RIMKLA: variants seen among roughly 807,000 people sequenced by gnomAD.
RIMKLA encodes the protein N-acetylaspartylglutamate synthase A.
In RIMKLA, 14 loss-of-function variants were observed where a neutral mutation model predicts 32.7. The observed-to-expected ratio is 0.43, with a 90% confidence interval of 0.28 to 0.67. The LOEUF is 0.67. Ranked by LOEUF, RIMKLA falls within the 30% of genes least tolerant of loss-of-function variation. The pLI is 0.18. For synonymous variants in RIMKLA, 176 were observed against 204.1 expected (o/e 0.86, Z 1.18); for missense variants, 410 against 519.0 (o/e 0.79, Z 2.04).
intron 1 of RIMKLA, among the ~76,000 whole-genome samples, chr1:42,390,036 CTTTTTTTTTTT>C (rs35754511): frequency 1.8e-5 from 2 of 111,666 alleles, no homozygotes; most frequent in Admixed American, 1.9e-4. Context: ...TTTTCTTTTC[CTTTTTTTTTTT>C]TTTTTTTTTG....
chr1:42,391,910 C>T (rs1643003075), intron 1 of RIMKLA, among the ~76,000 whole-genome samples: 1 of 152,106 alleles, frequency 6.6e-6, no homozygotes, highest in African/African-American at 2.4e-5. Flanking sequence ...TCTTGCCAAG[C>T]TAAATGAGAG....
rs1293694208 is a variant in RIMKLA at position 42,421,816 on chromosome 1, A to C, written c.*6842A>C. 6.6e-6 allele frequency: 1 copy of C among 152,248 alleles called. No homozygotes were observed. Among genetic ancestry groups the C allele is most frequent in the Non-Finnish European group, 1.5e-5 (1 of 68,046 alleles). 9.4% of individuals were successfully genotyped at this position (152,248 alleles called of 1,614,324 possible). ...ACCTGCAATTAAATAAAGTATGTTA[A>C]AAACAGTAATAAATACTCAAAACTC... On this transcript the variant is annotated 3_prime_UTR_variant, in exon 5 of 5. Transcript: ENST00000431473. This position sits in a 1 kb window ranked among gnomAD's most constrained non-coding sequence, Gnocchi z 4.6.
intron 2 of RIMKLA, among the ~76,000 whole-genome samples, chr1:42,404,301 G>A (rs1462193207): frequency 6.6e-6 from 1 of 152,118 alleles, no homozygotes; most frequent in African/African-American, 2.4e-5. Flanking sequence ...CACACAGAAG[G>A]CACCTGCTAA....
At chr1:42,408,262 C>T (rs1055201310) in intron 3 of RIMKLA, among the ~76,000 whole-genome samples, 4 of 152,206 alleles carry the variant, frequency 2.6e-5, no homozygotes, top group African/African-American at 7.2e-5. Flanking sequence ...ACTCTCCTGT[C>T]ACCTGCCATG....
chr1:42,382,737 A>G (rs1335021360), intron 1 of RIMKLA, among the ~76,000 whole-genome samples: 2 of 152,218 alleles, frequency 1.3e-5, no homozygotes, highest in African/African-American at 2.4e-5. Flanking sequence ...TCAGTCCTAA[A>G]AAAAAGATAA....
chr1:42,409,747 G>A (rs1643181120), intron 3 of RIMKLA, among the ~76,000 whole-genome samples: 1 of 152,202 alleles, frequency 6.6e-6, no homozygotes. Flanking sequence ...TAATCATTAA[G>A]TCATTTCAAA....
At position 42,415,027 on chromosome 1, in the gene RIMKLA, T is replaced by A; in HGVS notation, c.*53T>A. On this transcript the variant is annotated 3_prime_UTR_variant, in exon 5 of 5. Coordinates refer to ENST00000431473, the MANE Select transcript of RIMKLA (RefSeq NM_173642.4). ...CAAATCCTACTGCTTCCCTAGTAGT[T>A]TTGAGTGAATAAAATCTGGACTAAT... The A allele has an allele frequency of 6.6e-7, 1 of 1,508,330 alleles. No homozygotes were observed. Among genetic ancestry groups the A allele is most frequent in the Admixed American group, 2.0e-5 (1 of 49,188 alleles). The allele number at this position is 1,508,330 out of a possible 1,614,324, so 93.4% of individuals were successfully genotyped here.
At chr1:42,383,712 TC>T (rs538318678) in intron 1 of RIMKLA, among the ~76,000 whole-genome samples, 80 of 152,368 alleles carry the variant, frequency 5.3e-4, no homozygotes, top group Middle Eastern at 3.4e-3. Context: ...CCATTCTAAT[TC>T]CTTCATTTTA....
At chr1:42,394,799 C>T (rs755767481) in intron 1 of RIMKLA, among the ~76,000 whole-genome samples, 1 of 151,758 alleles carries the variant, frequency 6.6e-6, no homozygotes, top group Non-Finnish European at 1.5e-5. Context: ...TGCAATGACG[C>T]GATCTCAGCT....
intron 1 of RIMKLA, among the ~76,000 whole-genome samples, chr1:42,386,446 C>T (rs1157646993): frequency 6.6e-6 from 1 of 152,038 alleles, no homozygotes; most frequent in African/African-American, 2.4e-5. Context: ...CTTCCCTGGC[C>T]ACTTTACCCA....
chr1:42,389,826 G>A (rs1642985362), intron 1 of RIMKLA, among the ~76,000 whole-genome samples: 2 of 151,580 alleles, frequency 1.3e-5, no homozygotes, highest in South Asian at 4.2e-4. Context: ...AAAAAAAAAT[G>A]TTCTGGTAGA....
rs142710529 is a variant in RIMKLA, at chr1:42,423,878, G to A, written c.*8904G>A. On this transcript the variant is annotated 3_prime_UTR_variant, in exon 5 of 5. Coordinates refer to ENST00000431473, the MANE Select transcript of RIMKLA (RefSeq NM_173642.4). ...CTCTTCCACTAACCTTAGGTCTACT[G>A]TACTCTTGGTGAATCACAGCTCTTT... Among the ~76,000 whole-genome samples, 2 of 152,290 alleles carry A rather than the reference G, an allele frequency of 1.3e-5. No individual in the cohort carries two copies. Among genetic ancestry groups the A allele is most frequent in the Non-Finnish European group, 2.9e-5 (2 of 68,022 alleles).
In RIMKLA at chr1:42,423,294, C is replaced by G. The variant is rs929584957; in HGVS notation, c.*8320C>G. ...ACACTGGGGAATGTGGCCTATGTTT[C>G]TTTCTTCTTCTCTTACATGAAAATC... On this transcript the variant is annotated 3_prime_UTR_variant, in exon 5 of 5. Coordinates refer to ENST00000431473, the MANE Select transcript of RIMKLA (RefSeq NM_173642.4). Among the ~76,000 whole-genome samples the G allele has an allele frequency of 2.0e-5, 3 of 152,136 alleles. No homozygotes were observed. The highest frequency in any genetic ancestry group is 2.9e-5 in the Non-Finnish European group (2 of 68,008).
rs1190729098 is a variant in RIMKLA, at chr1:42,420,014, C to A, written c.*5040C>A. 3 of 152,300 alleles carry A rather than the reference C, an allele frequency of 2.0e-5. No individual in the cohort carries two copies. Among genetic ancestry groups the A allele is most frequent in the Admixed American group, 2.0e-4 (3 of 15,272 alleles). The allele number at this position is 152,300 out of a possible 1,614,324, so 9.4% of individuals were successfully genotyped here. On this transcript the variant is annotated 3_prime_UTR_variant, in exon 5 of 5. Coordinates refer to ENST00000431473, the MANE Select transcript of RIMKLA (RefSeq NM_173642.4). ...AGCAACAAGGTCAAAAGTTTCCCCC[C>A]ACTTTCTGTTCCACAGTGCGTTCCC...
chr1:42,380,863 C>T lies in RIMKLA; in HGVS notation c.-72C>T. 1 of 1,096,162 alleles carries T rather than the reference C, an allele frequency of 9.1e-7. No homozygotes were observed. The highest frequency in any genetic ancestry group is 1.7e-5 in the African/African-American group (1 of 60,588). The allele number at this position is 1,096,162 out of a possible 1,614,324, so 67.9% of individuals were successfully genotyped here. On this transcript the variant is annotated 5_prime_UTR_variant, in exon 1 of 5. Transcript: ENST00000431473. ...GCCCCGGACGCCGGCCGCCCCTCCGCTCGCCCTACTGAGCGAGCGGCCCGG... is the reference window on the plus strand; with the variant it reads ...GCCCCGGACGCCGGCCGCCCCTCCGTTCGCCCTACTGAGCGAGCGGCCCGG...
In RIMKLA at chr1:42,404,518, T is replaced by C; in HGVS notation, c.402T>C (p.His134=). ...PMPDTFSYGG[H]EDFSKMIDEA... is the part of the protein sequence containing the mutation. ...TTCACCTTTTCTTGGCAGGTGGGCA[T>C]GAAGACTTTTCAAAAATGATTGATG... The change falls in exon 3 of 5, where the codon CAT becomes CAC. Residue 134 remains histidine (H), a synonymous_variant. Coordinates refer to ENST00000431473, the MANE Select transcript of RIMKLA (RefSeq NM_173642.4). 6.2e-7 allele frequency: 1 copy of C among 1,612,668 alleles called. No homozygotes were observed. The highest frequency in any genetic ancestry group is 1.1e-5 in the South Asian group (1 of 91,058).
At chr1:42,393,588 A>G (rs1387700322) in intron 1 of RIMKLA, among the ~76,000 whole-genome samples, 1 of 152,032 alleles carries the variant, frequency 6.6e-6, no homozygotes, top group African/African-American at 2.4e-5. Flanking sequence ...AAGAACTTTA[A>G]AAGGGAAGGA....
intron 1 of RIMKLA, among the ~76,000 whole-genome samples, chr1:42,384,287 A>G (rs1642915639): frequency 6.6e-6 from 1 of 152,148 alleles, no homozygotes; most frequent in Admixed American, 6.6e-5. Flanking sequence ...AATCCTGTAG[A>G]AAACAGCCTC....
chr1:42,423,473 G>C lies in RIMKLA; in HGVS notation c.*8499G>C, dbSNP rs773476473. 3.3e-5 allele frequency among the ~76,000 whole-genome samples: 5 copies of C among 152,200 alleles called. No individual in the cohort carries two copies. The highest frequency in any genetic ancestry group is 7.3e-5 in the Non-Finnish European group (5 of 68,036). On this transcript the variant is annotated 3_prime_UTR_variant, in exon 5 of 5. Coordinates refer to ENST00000431473, the MANE Select transcript of RIMKLA (RefSeq NM_173642.4). ...TTCCCCCATTGTCTCAAAGAGAACT[G>C]CATTTAGCTCCATGGTAGACCAGCG... is the stretch of plus-strand genomic sequence containing the variant.
Sources: gnomAD v4.1 joint callset for allele counts (sites outside exome capture counted in the v4.1 genomes callset) on GRCh38, gnomAD v4.1.1 for gene constraint, Gnocchi (gnomAD v3.1) non-coding constraint, MANE v1.5 for transcripts, NCBI Gene and HGNC (gene_info 2026-07-23, HGNC 2026-07-21) for gene names.